The following OPCML variants were observed in gnomAD, a reference collection of about 807,000 sequenced individuals.
OPCML encodes the protein opioid-binding protein/cell adhesion molecule.
OPCML carries 13 observed loss-of-function variants against 37.8 expected under a neutral mutation model. The observed-to-expected ratio is 0.34, with a 90% confidence interval of 0.22 to 0.55. OPCML has a LOEUF of 0.55. Ranked by LOEUF, OPCML falls within the 20% of genes least tolerant of loss-of-function variation. The pLI is 0.91. For missense variants in OPCML, 341 were observed against 435.6 expected, an observed-to-expected ratio of 0.78 and a Z score of 1.93; for synonymous variants, 176 against 168.8, an observed-to-expected ratio of 1.04 and a Z score of -0.33.
At chr11:132,465,419 A>G (rs942374420) in intron 4 of OPCML, among the ~76,000 whole-genome samples, 24 of 152,124 alleles carry the variant, frequency 1.6e-4, no homozygotes, top group Non-Finnish European at 2.2e-4. Flanking sequence ...ATCTCCTTAT[A>G]GTAATTTGCA....
chr11:133,507,538 C>A (rs567987393), intron 1 of OPCML, among the ~76,000 whole-genome samples: 2 of 152,134 alleles, frequency 1.3e-5, no homozygotes, highest in African/African-American at 2.4e-5. Flanking sequence ...CTCACCAGGT[C>A]GTAAGCACTG....
chr11:132,839,014 C>T (rs1008196248), intron 2 of OPCML, among the ~76,000 whole-genome samples: 1 of 152,212 alleles, frequency 6.6e-6, no homozygotes, highest in African/African-American at 2.4e-5. Context: ...CTGCAATACA[C>T]TTTCCCGTGA....
At chr11:133,472,966 C>A (rs1947150534) in intron 1 of OPCML, among the ~76,000 whole-genome samples, 2 of 151,972 alleles carry the variant, frequency 1.3e-5, no homozygotes, top group African/African-American at 4.8e-5. Flanking sequence ...TGGCCCACAG[C>A]TAACCCAAAG....
At chr11:133,041,292 A>G (rs935429939) in intron 1 of OPCML, among the ~76,000 whole-genome samples, 1 of 152,222 alleles carries the variant, frequency 6.6e-6, no homozygotes, top group Admixed American at 6.5e-5. Flanking sequence ...GGCCCACAGT[A>G]AGTGTTCAAT....
intron 1 of OPCML, among the ~76,000 whole-genome samples, chr11:133,102,404 A>T (rs1949095975): frequency 6.6e-6 from 1 of 152,190 alleles, no homozygotes; most frequent in Admixed American, 6.5e-5. Context: ...TGTTCTCAGG[A>T]TGAGACAAGC....
At chr11:133,096,802 GC>G (rs1949010422) in intron 1 of OPCML, among the ~76,000 whole-genome samples, 1 of 152,002 alleles carries the variant, frequency 6.6e-6, no homozygotes, top group South Asian at 2.1e-4. Context: ...TAGAGATGGG[GC>G]AATATATAAT....
intron 1 of OPCML, among the ~76,000 whole-genome samples, chr11:133,378,988 C>T (rs940031827): frequency 2.8e-4 from 43 of 152,196 alleles, no homozygotes; most frequent in African/African-American, 1.0e-3. Context: ...AACTCCTGGC[C>T]TCAAGCAGTT....
chr11:132,724,446 C>T (rs1166315634), intron 2 of OPCML, among the ~76,000 whole-genome samples: 2 of 152,096 alleles, frequency 1.3e-5, no homozygotes, highest in Non-Finnish European at 2.9e-5. Context: ...AAGACCTGCC[C>T]CCATGATTCA....
At chr11:132,883,577 G>A (rs995770750) in intron 2 of OPCML, among the ~76,000 whole-genome samples, 5 of 152,162 alleles carry the variant, frequency 3.3e-5, no homozygotes, top group Non-Finnish European at 5.9e-5. Context: ...ATTTTATTTA[G>A]GTTAGGATGA....
At position 132,455,383 on chromosome 11, in the gene OPCML, A is replaced by G. The variant is rs183853575; in HGVS notation, c.506-18024T>C. Reference sequence around the variant, plus strand: ...ACTCAAAAGGTCACCTCCTTCCCATAGCAGTGTCCCTGTGGGACTGGATGG... The same window carrying G: ...ACTCAAAAGGTCACCTCCTTCCCATGGCAGTGTCCCTGTGGGACTGGATGG... On this transcript the variant is annotated intron_variant, in intron 4 of 7. Coordinates refer to ENST00000524381, the MANE Select transcript of OPCML (RefSeq NM_001012393.5). Among the ~76,000 whole-genome samples the G allele has an allele frequency of 2.0e-5, 3 of 152,282 alleles. No homozygotes were observed. The East Asian group carries it at 5.8e-4, about 29-fold the overall frequency.
intron 1 of OPCML, among the ~76,000 whole-genome samples, chr11:133,425,401 G>C (rs747512187): frequency 6.6e-6 from 1 of 152,136 alleles, no homozygotes; most frequent in Non-Finnish European, 1.5e-5. Flanking sequence ...CTGCCCTTCC[G>C]CAATTGTGAA....
intron 2 of OPCML, among the ~76,000 whole-genome samples, chr11:132,903,952 A>T (rs1591781133): frequency 6.6e-6 from 1 of 152,256 alleles, no homozygotes; most frequent in East Asian, 1.9e-4. Context: ...TCTCTATCTG[A>T]AATCAGAAAT....
intron 1 of OPCML, among the ~76,000 whole-genome samples, chr11:133,155,717 G>A (rs767404181): frequency 1.8e-4 from 27 of 152,062 alleles, no homozygotes; most frequent in Non-Finnish European, 2.5e-4. Flanking sequence ...CTGCCTACTT[G>A]ACATCTCCGC....
intron 1 of OPCML, among the ~76,000 whole-genome samples, chr11:133,209,279 G>T (rs1216157023): frequency 6.6e-6 from 1 of 152,240 alleles, no homozygotes; most frequent in Admixed American, 6.5e-5. Context: ...GCGTGGAAAA[G>T]ATGTTCAACA....
At chr11:133,372,389 A>G (rs1218128827) in intron 1 of OPCML, among the ~76,000 whole-genome samples, 1 of 152,138 alleles carries the variant, frequency 6.6e-6, no homozygotes, top group Non-Finnish European at 1.5e-5. Context: ...TCATCTGAAA[A>G]ATTGGTAGGG....
rs907899776 is a variant in OPCML at position 133,205,069 on chromosome 11, C to G, written c.62-262059G>C. ...GATGGTGGCTGGCTGCCAGGGAAGC[C>G]AATTCTGTGATTAAATAATTGGAAC... On this transcript the variant is annotated intron_variant, in intron 1 of 7. Transcript: ENST00000524381. The surrounding 1 kb of genome is among the most constrained non-coding windows in gnomAD (Gnocchi z 4.8). Among the ~76,000 whole-genome samples, 5 of 151,628 alleles carry G rather than the reference C, an allele frequency of 3.3e-5. No homozygotes were observed. Among genetic ancestry groups the G allele is most frequent in the Non-Finnish European group, 7.4e-5 (5 of 67,918 alleles).
intron 2 of OPCML, among the ~76,000 whole-genome samples, chr11:132,887,389 CTG>C (rs1205719617): frequency 2.0e-5 from 3 of 152,336 alleles, no homozygotes; most frequent in East Asian, 1.9e-4. Context: ...CAGCACATGA[CTG>C]TGTTTCATCT....
At chr11:132,570,601 T>C (rs1203365869) in intron 3 of OPCML, among the ~76,000 whole-genome samples, 2 of 151,376 alleles carry the variant, frequency 1.3e-5, no homozygotes, top group Non-Finnish European at 2.9e-5. Flanking sequence ...AGAAAGATAA[T>C]TACATGTTAA....
intron 2 of OPCML, among the ~76,000 whole-genome samples, chr11:132,942,573 A>G (rs1945614490): frequency 1.3e-5 from 2 of 148,860 alleles, no homozygotes; most frequent in South Asian, 4.3e-4. Flanking sequence ...TGTGACAGCC[A>G]TCCAAGGGGC....
Sources: allele counts gnomAD v4.1 joint callset (sites outside exome capture counted in the v4.1 genomes callset), GRCh38; gene constraint gnomAD v4.1.1; non-coding constraint Gnocchi (gnomAD v3.1); transcripts MANE v1.5; gene names NCBI Gene and HGNC (gene_info 2026-07-23, HGNC 2026-07-21).